Variants in SPIRE1 observed in about 807,000 individuals in gnomAD.
SPIRE1 encodes spire type actin nucleation factor 1.
Under a neutral mutation model 94.1 loss-of-function variants are expected in SPIRE1, and 40 were observed. That is an observed-to-expected ratio of 0.43 (90% CI 0.33 to 0.55). SPIRE1 has a LOEUF of 0.55. Among genes scored for constraint, SPIRE1 ranks in the 20% least tolerant of loss-of-function variants. The pLI is 0.06. For missense variants in SPIRE1, 838 were observed against 975.2 expected (o/e 0.86, Z 1.87); for synonymous variants, 376 against 371.7 (o/e 1.01, Z -0.13).
chr18:12,535,812 G>A (rs139705922), intron 3 of SPIRE1, among the ~76,000 whole-genome samples: 152 of 152,158 alleles, frequency 1.0e-3, no homozygotes, highest in African/African-American at 3.4e-3. Flanking sequence ...AAAATTAGTT[G>A]GGCGTGGTGG....
In SPIRE1 at chr18:12,600,343, C is replaced by T. The variant is rs545086751; in HGVS notation, c.372+34719G>A. Among the ~76,000 whole-genome samples, 30 of 152,252 alleles carry T rather than the reference C, an allele frequency of 2.0e-4. No homozygotes were observed. The South Asian group carries it at 2.9e-3, about 15-fold the overall frequency. ...TTTGTGGCTGTTTTAAGCTTCTAAACGTGTGGTAACATTGTTACACAGCAA... is the reference window on the plus strand; with the variant it reads ...TTTGTGGCTGTTTTAAGCTTCTAAATGTGTGGTAACATTGTTACACAGCAA... On this transcript the variant is annotated intron_variant, in intron 2 of 16. Transcript: ENST00000409402.
intron 1 of SPIRE1, among the ~76,000 whole-genome samples, chr18:12,636,089 T>C (rs12969085): frequency 0.56 from 84,594 of 151,468 alleles, 24,753 homozygotes; most frequent in Middle Eastern, 0.75. Flanking sequence ...GATGGGGTTT[T>C]GCCATGTTGG....
chr18:12,649,997 T>C (rs1184168493), intron 1 of SPIRE1, among the ~76,000 whole-genome samples: 1 of 152,176 alleles, frequency 6.6e-6, no homozygotes, highest in African/African-American at 2.4e-5. Context: ...CCCAGCACTT[T>C]GGGAGACCAA....
intron 9 of SPIRE1, 45 bp downstream of exon 9, chr18:12,485,914 C>A: frequency 1.4e-6 from 2 of 1,434,014 alleles, no homozygotes; most frequent in Non-Finnish European, 1.9e-6. Context: ...TTCACAGAAA[C>A]CACAAAACCC....
intron 12 of SPIRE1, among the ~76,000 whole-genome samples, chr18:12,456,148 G>A (rs79325484): frequency 0.043 from 6,585 of 152,212 alleles, 424 homozygotes; most frequent in African/African-American, 0.14. Flanking sequence ...TATATCATTT[G>A]CTCTAAAATG....
intron 10 of SPIRE1, among the ~76,000 whole-genome samples, chr18:12,466,939 A>G (rs1041502303): frequency 6.6e-6 from 1 of 152,168 alleles, no homozygotes; most frequent in Non-Finnish European, 1.5e-5. Context: ...GTGTCTGGTC[A>G]AAGAACAGGG....
intron 9 of SPIRE1, among the ~76,000 whole-genome samples, chr18:12,484,712 A>T (rs2032971585): frequency 6.6e-6 from 1 of 152,212 alleles, no homozygotes; most frequent in African/African-American, 2.4e-5. Flanking sequence ...AGTAGCTTCC[A>T]AAATTAAAAA....
At chr18:12,650,710 G>A (rs1598585994) in intron 1 of SPIRE1, among the ~76,000 whole-genome samples, 1 of 51,860 alleles carries the variant, frequency 1.9e-5, no homozygotes. Context: ...CTCCATCTCA[G>A]GAAAAAAAAA....
intron 2 of SPIRE1, among the ~76,000 whole-genome samples, chr18:12,583,620 G>A (rs2036313983): frequency 6.7e-6 from 1 of 150,206 alleles, no homozygotes; most frequent in Non-Finnish European, 1.5e-5. Context: ...AGAAGAAGAA[G>A]AAAAAATTAA....
At chr18:12,553,737 TA>T (rs1423489640) in intron 2 of SPIRE1, among the ~76,000 whole-genome samples, 1 of 151,454 alleles carries the variant, frequency 6.6e-6, no homozygotes, top group African/African-American at 2.4e-5. Flanking sequence ...CAAAACAAAC[TA>T]AAAAAACTTC....
At chr18:12,565,802 G>A (rs561159553) in intron 2 of SPIRE1, among the ~76,000 whole-genome samples, 2 of 152,088 alleles carry the variant, frequency 1.3e-5, no homozygotes, top group African/African-American at 2.4e-5. Context: ...TTGGGAGGCC[G>A]AGGCAGGCAG....
chr18:12,575,737 GA>G (rs1449778027), intron 2 of SPIRE1, among the ~76,000 whole-genome samples: 3 of 152,194 alleles, frequency 2.0e-5, no homozygotes, highest in East Asian at 1.9e-4. Context: ...TCCTAACACT[GA>G]AAACTATACA....
intron 2 of SPIRE1, among the ~76,000 whole-genome samples, chr18:12,592,965 G>C (rs1401044199): frequency 2.0e-5 from 3 of 152,216 alleles, no homozygotes; most frequent in Non-Finnish European, 4.4e-5. Context: ...CCCAGTGGCT[G>C]GGACTACAGG....
intron 1 of SPIRE1, among the ~76,000 whole-genome samples, chr18:12,643,722 T>C (rs1300560479): frequency 6.6e-6 from 1 of 152,222 alleles, no homozygotes; most frequent in Non-Finnish European, 1.5e-5. Context: ...TTGCCATTTT[T>C]AGCTATTTAA....
intron 11 of SPIRE1, among the ~76,000 whole-genome samples, chr18:12,464,251 AT>A (rs1368202955): frequency 1.5e-5 from 1 of 66,030 alleles, no homozygotes; most frequent in African/African-American, 6.5e-5. Context: ...GGTCCCTATA[AT>A]ATCCAATTGT....
intron 1 of SPIRE1, among the ~76,000 whole-genome samples, chr18:12,647,258 T>C (rs766367772): frequency 5.9e-5 from 9 of 152,204 alleles, no homozygotes; most frequent in Non-Finnish European, 1.2e-4. Context: ...TATCTACTTA[T>C]GCTGACCATA....
At chr18:12,589,351 C>T (rs2036468662) in intron 2 of SPIRE1, among the ~76,000 whole-genome samples, 1 of 152,048 alleles carries the variant, frequency 6.6e-6, no homozygotes, top group Non-Finnish European at 1.5e-5. Context: ...ACAGAAAGAG[C>T]AAGTGAAGGA....
chr18:12,569,463 C>CCTT (rs963333124), intron 2 of SPIRE1, among the ~76,000 whole-genome samples: 19 of 152,152 alleles, frequency 1.2e-4, no homozygotes, highest in African/African-American at 4.3e-4. Flanking sequence ...GCCAGAAAAG[C>CCTT]ATATACCTAG....
intron 4 of SPIRE1, among the ~76,000 whole-genome samples, chr18:12,515,315 G>C (rs2034166006): frequency 6.6e-6 from 1 of 151,926 alleles, no homozygotes; most frequent in South Asian, 2.1e-4. Context: ...AGGAGTTGAA[G>C]ACCAACCTGG....
Sources: allele counts gnomAD v4.1 joint callset (sites outside exome capture counted in the v4.1 genomes callset), GRCh38; gene constraint gnomAD v4.1.1; transcripts MANE v1.5; gene names NCBI Gene and HGNC (gene_info 2026-07-23, HGNC 2026-07-21).